The following ZNF383 variants were observed in gnomAD, a reference collection of about 807,000 sequenced individuals.
ZNF383 encodes zinc finger protein 383.
Under a neutral mutation model 44.2 loss-of-function variants are expected in ZNF383, and 32 were observed. The observed-to-expected ratio is 0.72, with a 90% confidence interval of 0.55 to 0.97. The LOEUF (loss-of-function observed/expected upper bound fraction) is 0.97. Ranked by LOEUF, ZNF383 falls within the 50% of genes least tolerant of loss-of-function variation. The probability of loss-of-function intolerance (pLI) is 0.00; values close to 1 mark genes in which losing one functional copy is unlikely to be tolerated. For missense variants in ZNF383, 487 were observed against 562.5 expected (o/e 0.87, Z 1.36); for synonymous variants, 155 against 186.2 (o/e 0.83, Z 1.36).
Position 37,218,237 on chromosome 19 carries a change from A to C in ZNF383, c.-205A>C, listed in dbSNP as rs1972763776. The stretch of plus-strand genomic sequence containing the variant: ...TCAAGGGTAGGGGAAGTGCGCGGTG[A>C]GCGGCCTGGGTCTTGCAGGCTCGGC... On this transcript the variant is annotated 5_prime_UTR_variant, in exon 1 of 6. Transcript: ENST00000684119. 6.6e-6 allele frequency: 1 copy of C among 152,588 alleles called. No individual in the cohort carries two copies. The highest frequency in any genetic ancestry group is 1.5e-5 in the Non-Finnish European group (1 of 68,352). 9.5% of individuals were successfully genotyped at this position (152,588 alleles called of 1,614,324 possible). A position where few individuals can be genotyped will look rare whatever the true frequency, so the allele number is the denominator to read the frequency against.
intron 3 of ZNF383, among the ~76,000 whole-genome samples, chr19:37,233,881 C>T (rs1235681019): frequency 6.6e-6 from 1 of 151,022 alleles, no homozygotes; most frequent in Non-Finnish European, 1.5e-5. Flanking sequence ...TTTATTTTTT[C>T]GAGACGGAGT....
chr19:37,236,731 A>G (rs904995254), intron 5 of ZNF383, among the ~76,000 whole-genome samples: 2 of 151,868 alleles, frequency 1.3e-5, no homozygotes, highest in Admixed American at 6.6e-5. Context: ...CACCATGCCC[A>G]GCTAATTTTT....
intron 2 of ZNF383, among the ~76,000 whole-genome samples, chr19:37,227,248 G>A (rs1973215572): frequency 6.6e-6 from 1 of 151,430 alleles, no homozygotes. Flanking sequence ...CCTAGTAGCT[G>A]GGATTACAGG....
In ZNF383 at chr19:37,242,898, C is replaced by G; in HGVS notation, c.662C>G (p.Thr221Ser). 6.2e-7 allele frequency: 1 copy of G among 1,614,008 alleles called. No individual in the cohort carries two copies. The highest frequency in any genetic ancestry group is 1.1e-5 in the South Asian group (1 of 91,080). Residue 221 changes from threonine to serine, a missense_variant, in exon 6 of 6, where the codon ACT becomes AGT. By Grantham distance (58) the Thr-to-Ser change is moderately conservative. Coordinates refer to ENST00000684119, the MANE Select transcript of ZNF383 (RefSeq NM_001387601.1). ...GTTACTCGGCATCTGAAAATTCATA[C>G]TGGCGAAAAACCCTTTGAATGTAAG... Reference protein sequence around the residue: ...SHVTRHLKIHTGEKPFECKEC... With the variant: ...SHVTRHLKIHSGEKPFECKEC...
At chr19:37,234,213 CAG>C (rs1973653719) in intron 3 of ZNF383, among the ~76,000 whole-genome samples, 1 of 152,120 alleles carries the variant, frequency 6.6e-6, no homozygotes, top group Admixed American at 6.5e-5. Context: ...GCTAATGAAA[CAG>C]AAATACAAAT....
intron 5 of ZNF383, among the ~76,000 whole-genome samples, chr19:37,241,271 A>C (rs952834571): frequency 2.0e-5 from 3 of 152,140 alleles, no homozygotes; most frequent in Non-Finnish European, 4.4e-5. Context: ...AAGTCTTGGG[A>C]GTCCCCCGGC....
chr19:37,236,480 T>G (rs1319210329), intron 5 of ZNF383, among the ~76,000 whole-genome samples: 1 of 152,002 alleles, frequency 6.6e-6, no homozygotes, highest in Admixed American at 6.6e-5. Context: ...CTCAAACTTC[T>G]GGGCTTAGGC....
intron 1 of ZNF383, among the ~76,000 whole-genome samples, chr19:37,221,916 A>G (rs1599778612): frequency 6.8e-6 from 1 of 146,784 alleles, no homozygotes; most frequent in Non-Finnish European, 1.5e-5. Context: ...AGATTGTGCC[A>G]CCGCACTCCA....
rs1345485444 is a variant in ZNF383 at position 37,242,610 on chromosome 19, G to A, written c.374G>A (p.Ser125Asn). Reference protein sequence around the residue: ...SSFGDVLEYRSHLAKQLGYPN... With the variant: ...SSFGDVLEYRNHLAKQLGYPN... Reference sequence around the variant, plus strand: ...TTTGGAGATGTTTTGGAATATAGAAGCCACCTTGCAAAACAACTGGGATAT... The same window carrying A: ...TTTGGAGATGTTTTGGAATATAGAAACCACCTTGCAAAACAACTGGGATAT... Residue 125 changes from serine to asparagine, a missense_variant, in exon 6 of 6, where the codon AGC (serine) becomes AAC (asparagine). Transcript: ENST00000684119. 6.2e-7 allele frequency: 1 copy of A among 1,613,998 alleles called. No homozygotes were observed. The highest frequency in any genetic ancestry group is 8.5e-7 in the Non-Finnish European group (1 of 1,179,942).
At position 37,235,284 on chromosome 19, in the gene ZNF383, A is replaced by G. The variant is rs981562362; in HGVS notation, c.10-265A>G. Among the ~76,000 whole-genome samples, 10 of 151,876 alleles carry G rather than the reference A, an allele frequency of 6.6e-5. No individual in the cohort carries two copies. The East Asian group carries it at 9.6e-4, about 15-fold the overall frequency. ...GCGAATTTCTGTCTCAAAAAAAAAA[A>G]AAAAGAAAAGAAATCACAATCTAGA... On this transcript the variant is annotated intron_variant, in intron 3 of 5. Transcript: ENST00000684119.
In ZNF383 at chr19:37,243,956, C is replaced by A. The variant is rs1974263816; in HGVS notation, c.*292C>A. On this transcript the variant is annotated 3_prime_UTR_variant, in exon 6 of 6. Transcript: ENST00000684119. ...TGTTTTTAGAGCTATCTTTTCTGAT[C>A]TGTGTATTTGTGTTTGCACCAGTAT... The A allele has an allele frequency of 3.8e-6, 1 of 263,528 alleles. No individual in the cohort carries two copies. Among genetic ancestry groups the A allele is most frequent in the Non-Finnish European group, 7.2e-6 (1 of 139,130 alleles). The allele number at this position is 263,528 out of a possible 1,614,324, so 16.3% of individuals were successfully genotyped here.
At chr19:37,221,201 C>A (rs1387833543) in intron 1 of ZNF383, among the ~76,000 whole-genome samples, 1 of 152,204 alleles carries the variant, frequency 6.6e-6, no homozygotes, top group Non-Finnish European at 1.5e-5. Flanking sequence ...TTATAGTCAT[C>A]TTGTATTCTA....
At chr19:37,239,010 C>T (rs548503611) in intron 5 of ZNF383, among the ~76,000 whole-genome samples, 31 of 152,136 alleles carry the variant, frequency 2.0e-4, no homozygotes, top group Non-Finnish European at 4.1e-4. Context: ...GCCTCCACCC[C>T]GCAGGTTCAA....
intron 5 of ZNF383, 42 bp from the exon 6 acceptor site, chr19:37,242,427 C>A: frequency 7.3e-7 from 1 of 1,363,932 alleles, no homozygotes; most frequent in Non-Finnish European, 1.0e-6. Flanking sequence ...TAATTTTTCA[C>A]AAATAGGAAA....
intron 2 of ZNF383, among the ~76,000 whole-genome samples, chr19:37,225,374 G>C (rs1162627580): frequency 6.6e-6 from 1 of 152,178 alleles, no homozygotes; most frequent in Non-Finnish European, 1.5e-5. Flanking sequence ...GATTACAGGT[G>C]TGAACCACCA....
chr19:37,236,474 A>G (rs967101453), intron 5 of ZNF383, among the ~76,000 whole-genome samples: 1 of 151,782 alleles, frequency 6.6e-6, no homozygotes, highest in African/African-American at 2.4e-5. Context: ...TGTAGGCTCA[A>G]ACTTCTGGGC....
At chr19:37,229,714 GTGTATATATA>G (rs1346401142) in intron 2 of ZNF383, among the ~76,000 whole-genome samples, 28 of 144,780 alleles carry the variant, frequency 1.9e-4, no homozygotes, top group African/African-American at 6.3e-4. Context: ...ATATATGTGT[GTGTATATATA>G]TGTATATATA....
chr19:37,242,055 T>TATAGTATCTATACTATATATAG (rs1555784686), intron 5 of ZNF383, among the ~76,000 whole-genome samples: 2 of 66,800 alleles, frequency 3.0e-5, no homozygotes, highest in South Asian at 5.1e-4. Context: ...AGATACTATA[T>TATAGTATCTATACTATATATAG]ATACTATATA....
chr19:37,218,748 A>G (rs1972787069), intron 1 of ZNF383, among the ~76,000 whole-genome samples: 1 of 152,044 alleles, frequency 6.6e-6, no homozygotes, highest in Non-Finnish European at 1.5e-5. Context: ...AGAATGTGAG[A>G]GTGTGACCAT....
Sources: allele counts gnomAD v4.1 joint callset (sites outside exome capture counted in the v4.1 genomes callset), GRCh38; gene constraint gnomAD v4.1.1; transcripts MANE v1.5; gene names NCBI Gene and HGNC (gene_info 2026-07-23, HGNC 2026-07-21).